RHOBTB1: variants seen among roughly 807,000 people sequenced by gnomAD.
RHOBTB1 encodes rho-related BTB domain-containing protein 1.
In RHOBTB1, 40 loss-of-function variants were observed where a neutral mutation model predicts 71.6. The ratio of observed to expected loss-of-function variants is 0.56; its 90% CI spans 0.43 to 0.73. The LOEUF (loss-of-function observed/expected upper bound fraction) is 0.73, where lower values mean the gene tolerates loss of function less well. RHOBTB1 is among the 30% of genes least tolerant of loss of function. The probability of loss-of-function intolerance (pLI) is 0.00; values close to 1 mark genes in which losing one functional copy is unlikely to be tolerated. For synonymous variants in RHOBTB1, 319 were observed against 334.9 expected (o/e 0.95, Z 0.52); for missense variants, 797 against 894.0 (o/e 0.89, Z 1.38).
At chr10:60,914,070 A>G (rs2083138993) in intron 2 of RHOBTB1, among the ~76,000 whole-genome samples, 1 of 152,210 alleles carries the variant, frequency 6.6e-6, no homozygotes, top group Admixed American at 6.5e-5. Context: ...AATAATGACA[A>G]AGATCTATAA....
intron 2 of RHOBTB1, among the ~76,000 whole-genome samples, chr10:60,954,088 A>C (rs1364225101): frequency 6.6e-6 from 1 of 152,130 alleles, no homozygotes; most frequent in Non-Finnish European, 1.5e-5. Context: ...GTGTAGTTTT[A>C]TTTATTTATT....
chr10:60,862,899 C>G, the RHOBTB1 span, among the ~76,000 whole-genome samples: 1 of 127,188 alleles, frequency 7.9e-6, no homozygotes, highest in African/African-American at 3.0e-5. Context: ...CCTCCTCTCT[C>G]TCTCCCTCTC....
chr10:60,986,404 G>GATATATATATATAT lies in RHOBTB1; in HGVS notation c.-162-473_-162-460dup, dbSNP rs34154360. Among the ~76,000 whole-genome samples, 407 of 67,586 alleles carry GATATATATATATAT rather than the reference G, an allele frequency of 6.0e-3. 4 individuals are homozygous for GATATATATATATAT. The highest frequency in any genetic ancestry group is 0.015 in the African/African-American group (380 of 25,042). The allele number at this position is 67,586 out of a possible 152,430, so 44.3% of individuals were successfully genotyped here. The stretch of plus-strand genomic sequence containing the variant: ...AGAAATTAATGAAATATAAATAAAA[G>GATATATATATATAT]ATATATATATATATATATATATATA... On this transcript the variant is annotated intron_variant, in intron 1 of 11. Transcript: ENST00000357917.
At chr10:60,862,731 TTC>T in the RHOBTB1 span, among the ~76,000 whole-genome samples, 25,164 of 147,124 alleles carry the variant, frequency 0.17, 2,399 homozygotes, top group African/African-American at 0.26. Context: ...TCTTTCCTAT[TTC>T]TCTCTCTCCT....
At chr10:60,985,624 T>TAAA (rs2086637508) in intron 2 of RHOBTB1, among the ~76,000 whole-genome samples, 4 of 152,202 alleles carry the variant, frequency 2.6e-5, no homozygotes, top group African/African-American at 9.6e-5. Context: ...TCCAAATGAC[T>TAAA]CAAATTCTAA....
chr10:60,918,530 G>T (rs760426714), intron 2 of RHOBTB1, among the ~76,000 whole-genome samples: 1 of 152,164 alleles, frequency 6.6e-6, no homozygotes, highest in Non-Finnish European at 1.5e-5. Flanking sequence ...GCGCACTTCA[G>T]TGTAGGGCCA....
At chr10:60,948,935 G>A (rs1255038696), upstream of RHOBTB1, among the ~76,000 whole-genome samples, 1 of 152,214 alleles carries the variant, frequency 6.6e-6, no homozygotes, top group Non-Finnish European at 1.5e-5. Flanking sequence ...CTGGCCTTTA[G>A]CAGTGGTTTA....
At chr10:60,894,140 T>G (rs2082054012) in intron 4 of RHOBTB1, among the ~76,000 whole-genome samples, 1 of 152,158 alleles carries the variant, frequency 6.6e-6, no homozygotes, top group African/African-American at 2.4e-5. Context: ...TACATATCAA[T>G]GAAGACAAAC....
chr10:60,914,873 A>G (rs1176235263), intron 2 of RHOBTB1, among the ~76,000 whole-genome samples: 2 of 152,214 alleles, frequency 1.3e-5, no homozygotes, highest in Non-Finnish European at 2.9e-5. Flanking sequence ...TCCAGACCAA[A>G]GTGACTGCCA....
chr10:60,996,562 G>A (rs368669641), intron 1 of RHOBTB1, among the ~76,000 whole-genome samples: 58 of 152,180 alleles, frequency 3.8e-4, no homozygotes, highest in South Asian at 1.2e-3. Context: ...CGAGAGCTTC[G>A]GCAGCCTGGA....
At chr10:60,981,994 C>G (rs1242583189) in intron 2 of RHOBTB1, among the ~76,000 whole-genome samples, 1 of 152,210 alleles carries the variant, frequency 6.6e-6, no homozygotes, top group Non-Finnish European at 1.5e-5. Flanking sequence ...TGGTCTCAAA[C>G]TCCTGACCTC....
At position 61,000,407 on chromosome 10, in the gene RHOBTB1, CCTT is replaced by C. The variant is rs534424823; in HGVS notation, c.-163+989_-163+991del. 1.6e-4 allele frequency among the ~76,000 whole-genome samples: 24 copies of C among 152,204 alleles called. No homozygotes were observed. In the East Asian group the frequency reaches 4.4e-3, roughly 28 times the overall value. ...ATCTGGTGGCCAACACCAGGGGAGA[CCTT>C]CTCACCAAGAGCAAGATGATGCGAC... On this transcript the variant is annotated intron_variant, in intron 1 of 11. Coordinates refer to the RHOBTB1 transcript ENST00000357917.
At chr10:60,920,208 C>T (rs2083479172) in intron 2 of RHOBTB1, among the ~76,000 whole-genome samples, 1 of 152,124 alleles carries the variant, frequency 6.6e-6, no homozygotes, top group African/African-American at 2.4e-5. Context: ...GAGTGCCAGG[C>T]CTATAGGTGT....
intron 2 of RHOBTB1, among the ~76,000 whole-genome samples, chr10:60,931,690 T>C (rs2084264930): frequency 6.6e-6 from 1 of 152,128 alleles, no homozygotes; most frequent in African/African-American, 2.4e-5. Flanking sequence ...ACATAAATTG[T>C]TTTTTCAAAA....
intron 2 of RHOBTB1, among the ~76,000 whole-genome samples, chr10:60,971,272 T>A (rs1442573508): frequency 1.3e-5 from 2 of 152,086 alleles, no homozygotes; most frequent in Admixed American, 6.6e-5. Flanking sequence ...GCTGGAGGCA[T>A]CACGCTACCT....
chr10:60,984,130 AG>A (rs1234289686), intron 2 of RHOBTB1, among the ~76,000 whole-genome samples: 1 of 152,214 alleles, frequency 6.6e-6, no homozygotes, highest in East Asian at 1.9e-4. Context: ...TGGGTAGGCA[AG>A]ATCAACCAGT....
intron 4 of RHOBTB1, among the ~76,000 whole-genome samples, chr10:60,905,507 C>A (rs1589254096): frequency 1.6e-5 from 2 of 121,734 alleles, no homozygotes; most frequent in African/African-American, 3.2e-5. Flanking sequence ...CCATGGTGGA[C>A]AAAGTATCAA....
rs1308317788 is a variant in RHOBTB1 at position 60,982,185 on chromosome 10, T to C, written c.-62+3660A>G. 2.0e-5 allele frequency among the ~76,000 whole-genome samples: 3 copies of C among 152,240 alleles called. No individual in the cohort carries two copies. In the East Asian group the frequency reaches 5.8e-4, roughly 29 times the overall value. ...ATGAACTTTGCTATAATCATATCTA[T>C]GTGCCTTCTAGACTAGTCAAGTATT... On this transcript the variant is annotated intron_variant, in intron 2 of 11. Transcript: ENST00000357917.
intron 4 of RHOBTB1, among the ~76,000 whole-genome samples, chr10:60,898,652 A>G (rs1396827900): frequency 6.6e-6 from 1 of 152,226 alleles, no homozygotes; most frequent in Non-Finnish European, 1.5e-5. Context: ...ATGTGAGCAG[A>G]TAAATCAAGT....
Sources: allele counts gnomAD v4.1 joint callset (sites outside exome capture counted in the v4.1 genomes callset), GRCh38; gene constraint gnomAD v4.1.1; transcripts MANE v1.5; gene names NCBI Gene and HGNC (gene_info 2026-07-23, HGNC 2026-07-21).